Variants in GAD2 observed in about 807,000 individuals in gnomAD.
GAD2 encodes glutamate decarboxylase 2, also known as 65 kDa glutamic acid decarboxylase.
GAD2 carries 22 observed loss-of-function variants against 80.1 expected under a neutral mutation model. That is an observed-to-expected ratio of 0.27 (90% CI 0.20 to 0.39). The LOEUF is 0.39. Ranked by LOEUF, GAD2 falls within the 10% of genes least tolerant of loss-of-function variation. The pLI is 1.00. For missense variants in GAD2, 624 were observed against 738.4 expected, an observed-to-expected ratio of 0.85 and a Z score of 1.80; for synonymous variants, 274 against 256.9, an observed-to-expected ratio of 1.07 and a Z score of -0.64.
rs1834332727 is a variant in GAD2, at chr10:26,301,862, AG to A, written c.*904del. 1 of 152,234 alleles carries A rather than the reference AG, an allele frequency of 6.6e-6. No individual in the cohort carries two copies. Among genetic ancestry groups the A allele is most frequent in the Non-Finnish European group, 1.5e-5 (1 of 68,042 alleles). The allele number at this position is 152,234 out of a possible 1,614,324, so 9.4% of individuals were successfully genotyped here. ...ACCAGGCTTCATCTCAGATTAAATT[AG>A]GGTAATTGTCTCTATTCTGCTTTCC... On this transcript the variant is annotated 3_prime_UTR_variant, in exon 16 of 16. Transcript: ENST00000376261.
chr10:26,286,551 C>T (rs999138937), intron 13 of GAD2, 57 bp downstream of exon 13: 32 of 1,492,106 alleles, frequency 2.1e-5, no homozygotes, highest in Non-Finnish European at 2.5e-5. Flanking sequence ...TATCTGGTGA[C>T]CCCATTATGA....
At chr10:26,245,702 A>G (rs570408918) in intron 7 of GAD2, among the ~76,000 whole-genome samples, 1 of 152,142 alleles carries the variant, frequency 6.6e-6, no homozygotes, top group Non-Finnish European at 1.5e-5. Context: ...TCGGCCTCCC[A>G]AAGTGCTGGG....
At chr10:26,286,849 TGCAATCTGAAA>T (rs1845339086) in intron 13 of GAD2, among the ~76,000 whole-genome samples, 1 of 152,188 alleles carries the variant, frequency 6.6e-6, no homozygotes, top group African/African-American at 2.4e-5. Flanking sequence ...GGTAGGTGAA[TGCAATCTGAAA>T]GTATAGGTCT....
Position 26,217,762 on chromosome 10 carries a change from C to T in GAD2, c.137-80C>T. On this transcript the variant is annotated intron_variant, in intron 2 of 15. Transcript: ENST00000376261. The surrounding 1 kb of genome is among the most constrained non-coding windows in gnomAD (Gnocchi z 4.9). ...ATCCCAGTCAGCGGAGTCGGGGTTT[C>T]CTGGCTGCGGGTAGGCGGGAGCGAG... 1 of 1,583,572 alleles carries T rather than the reference C, an allele frequency of 6.3e-7. No homozygotes were observed. Among genetic ancestry groups the T allele is most frequent in the South Asian group, 1.1e-5 (1 of 88,280 alleles).
At chr10:26,254,447 C>T (rs1844920964) in intron 8 of GAD2, among the ~76,000 whole-genome samples, 1 of 152,184 alleles carries the variant, frequency 6.6e-6, no homozygotes, top group Non-Finnish European at 1.5e-5. Context: ...TCAGGGCTCA[C>T]CTCCTGCTGT....
intron 7 of GAD2, among the ~76,000 whole-genome samples, chr10:26,231,909 C>T (rs374303303): frequency 8.1e-4 from 123 of 152,304 alleles, no homozygotes; most frequent in African/African-American, 2.9e-3. Context: ...TCTCCTGCCT[C>T]TCTCTTTTGG....
chr10:26,235,738 T>C (rs1844662905), intron 7 of GAD2, among the ~76,000 whole-genome samples: 2 of 152,156 alleles, frequency 1.3e-5, no homozygotes, highest in Admixed American at 6.5e-5. Context: ...TTGATGAGTT[T>C]TAGGTTCTCT....
chr10:26,267,973 A>G (rs1474114745), intron 8 of GAD2, among the ~76,000 whole-genome samples: 2 of 152,204 alleles, frequency 1.3e-5, no homozygotes, highest in South Asian at 2.1e-4. Flanking sequence ...GAGAGCCACA[A>G]AGGTACTATG....
chr10:26,228,848 G>T (rs1377228096), intron 6 of GAD2, among the ~76,000 whole-genome samples: 1 of 151,850 alleles, frequency 6.6e-6, no homozygotes, highest in Non-Finnish European at 1.5e-5. Flanking sequence ...TGTCTTCCAC[G>T]AAACGCATCA....
intron 8 of GAD2, among the ~76,000 whole-genome samples, chr10:26,257,939 A>T (rs1844963057): frequency 6.6e-6 from 1 of 152,190 alleles, no homozygotes; most frequent in South Asian, 2.1e-4. Context: ...TCACAGAGAC[A>T]CCGAATCGAT....
chr10:26,239,293 C>T (rs931006957), intron 7 of GAD2, among the ~76,000 whole-genome samples: 4 of 152,124 alleles, frequency 2.6e-5, no homozygotes, highest in Non-Finnish European at 5.9e-5. Flanking sequence ...TTCTTTCTTC[C>T]CTCTAGCAGC....
chr10:26,304,176 G>A lies in GAD2; in HGVS notation c.*3215G>A, dbSNP rs1834357403. On this transcript the variant is annotated 3_prime_UTR_variant, in exon 16 of 16. Coordinates refer to ENST00000376261, the MANE Select transcript of GAD2 (RefSeq NM_001134366.2). ...GTGTCACCAGCTGCCAAAATCGTAGGTGTTGGCTCTGCTGGTCACTGGAGT... is the reference window on the plus strand; with the variant it reads ...GTGTCACCAGCTGCCAAAATCGTAGATGTTGGCTCTGCTGGTCACTGGAGT... 6.6e-6 allele frequency: 1 copy of A among 152,572 alleles called. No homozygotes were observed. The highest frequency in any genetic ancestry group is 1.5e-5 in the Non-Finnish European group (1 of 68,032). The allele number at this position is 152,572 out of a possible 1,614,324, so 9.5% of individuals were successfully genotyped here. A position where few individuals can be genotyped will look rare whatever the true frequency, so the allele number is the denominator to read the frequency against.
chr10:26,244,146 G>A (rs746128475), intron 7 of GAD2, among the ~76,000 whole-genome samples: 1 of 152,154 alleles, frequency 6.6e-6, no homozygotes, highest in Non-Finnish European at 1.5e-5. Flanking sequence ...TCAACCTCAC[G>A]GATCGTTAGG....
intron 4 of GAD2, among the ~76,000 whole-genome samples, chr10:26,223,477 G>A (rs577104298): frequency 1.3e-5 from 2 of 152,282 alleles, no homozygotes; most frequent in South Asian, 2.1e-4. Context: ...AGCAGCATGA[G>A]TATAAAGGAG....
chr10:26,218,209 G>C, intron 3 of GAD2: 2 of 455,350 alleles, frequency 4.4e-6, no homozygotes, highest in Non-Finnish European at 7.6e-6. Context: ...AGGGCTCTGA[G>C]GCCGTGGCGC....
intron 10 of GAD2, among the ~76,000 whole-genome samples, chr10:26,272,433 T>C (rs1845147357): frequency 1.3e-5 from 2 of 152,238 alleles, no homozygotes. Flanking sequence ...GGGAATCTTT[T>C]AACCAGTTTT....
chr10:26,243,574 A>G (rs1055215023), intron 7 of GAD2, among the ~76,000 whole-genome samples: 3 of 152,218 alleles, frequency 2.0e-5, no homozygotes, highest in Admixed American at 6.5e-5. Flanking sequence ...GGTGATTACA[A>G]CCATTGAGAC....
upstream of GAD2, chr10:26,216,731 A>ACGCG (rs1844375881): frequency 6.4e-6 from 8 of 1,255,502 alleles, no homozygotes; most frequent in South Asian, 1.3e-5. The surrounding 1 kb of genome is among the most constrained non-coding windows in gnomAD (Gnocchi z 4.7). Context: ...ACGGGCACGC[A>ACGCG]CGCGCGCGCA....
At chr10:26,242,579 G>A (rs1844756693) in intron 7 of GAD2, among the ~76,000 whole-genome samples, 1 of 152,104 alleles carries the variant, frequency 6.6e-6, no homozygotes, top group African/African-American at 2.4e-5. Context: ...TTCTATTTGT[G>A]AATAACGTTA....
Sources: gnomAD v4.1 joint callset for allele counts (sites outside exome capture counted in the v4.1 genomes callset) on GRCh38, gnomAD v4.1.1 for gene constraint, Gnocchi (gnomAD v3.1) non-coding constraint, MANE v1.5 for transcripts, NCBI Gene and HGNC (gene_info 2026-07-23, HGNC 2026-07-21) for gene names.